Variants in SAP130 observed in about 807,000 individuals in gnomAD.
SAP130 encodes Sin3A associated protein 130.
A neutral mutation model predicts 103.2 loss-of-function variants in SAP130; 16 were observed. The ratio of observed to expected loss-of-function variants is 0.16; its 90% confidence interval spans 0.10 to 0.24. The LOEUF is 0.24. SAP130 is among the 10% of genes least tolerant of loss of function. The pLI is 1.00. For synonymous variants in SAP130, 477 were observed against 497.0 expected (o/e 0.96, Z 0.53); for missense variants, 990 against 1,359.7 (o/e 0.73, Z 4.28).
Position 128,000,523 on chromosome 2 carries a change from G to T in SAP130, c.870-69C>A, listed in dbSNP as rs890203965. ...TACAATCTTCTCCTAGGTTAGTCAT[G>T]CAAGTTATACTTTTTCATAGGTCTA... On this transcript the variant is annotated intron_variant, in intron 7 of 20. Transcript: ENST00000643581. 6 of 1,570,132 alleles carry T rather than the reference G, an allele frequency of 3.8e-6. No homozygotes were observed. The Admixed American group carries it at 8.6e-5, about 23-fold the overall frequency.
At chr2:127,967,273 A>G (rs920295274) in intron 15 of SAP130, among the ~76,000 whole-genome samples, 1 of 152,266 alleles carries the variant, frequency 6.6e-6, no homozygotes, top group African/African-American at 2.4e-5. Flanking sequence ...TCATACCACA[A>G]TAAAGAGAAA....
At chr2:127,949,814 A>G in intron 18 of SAP130, 55 bp downstream of exon 18, 1 of 1,562,530 alleles carries the variant, frequency 6.4e-7, no homozygotes, top group Non-Finnish European at 8.7e-7. Flanking sequence ...TTCTATTTTA[A>G]TTAAGTTTAC....
intron 15 of SAP130, among the ~76,000 whole-genome samples, chr2:127,961,802 G>A (rs895803117): frequency 2.0e-5 from 3 of 151,398 alleles, no homozygotes; most frequent in Non-Finnish European, 4.4e-5. Flanking sequence ...TTGCTTCCTT[G>A]GTTCTCTACA....
rs763176037 is a variant in SAP130 at position 127,942,481 on chromosome 2, G to T, written c.2958C>A (p.Ile986=). 1 of 1,613,922 alleles carries T rather than the reference G, an allele frequency of 6.2e-7. No individual in the cohort carries two copies. ...CATCTGTTGCTGCTTTTTTCTTTGG[G>T]ATAATCCCTTCCTGCAGGTTAGTAA... The part of the protein sequence containing the change: ...ERLTNLQEGI[I]PKKKAATDDD... The change falls in exon 20 of 21, where the codon ATC becomes ATA. Residue 986 remains isoleucine (I), a synonymous_variant. Coordinates refer to ENST00000643581, the MANE Select transcript of SAP130 (RefSeq NM_001330301.2). This position sits in a 1 kb window ranked among gnomAD's most constrained non-coding sequence, Gnocchi z 4.8.
rs761324219 is a variant in SAP130, at chr2:127,989,478, C to T, written c.1780+86G>A. On this transcript the variant is annotated intron_variant, in intron 13 of 20. Transcript: ENST00000643581. This position sits in a 1 kb window ranked among gnomAD's most constrained non-coding sequence, Gnocchi z 4.6. ...GAAAAGGCCTAGAGAAATTATAAGA[C>T]GACAAAGCCAGTGGCAGAGAAAGGA... 2.1e-5 allele frequency: 26 copies of T among 1,231,970 alleles called. No individual in the cohort carries two copies. Among genetic ancestry groups the T allele is most frequent in the African/African-American group, 6.1e-5 (4 of 65,902 alleles). The allele number at this position is 1,231,970 out of a possible 1,614,324, so 76.3% of individuals were successfully genotyped here. A position where few individuals can be genotyped will look rare whatever the true frequency, so the allele number is the denominator to read the frequency against.
At chr2:127,949,031 C>T (rs1679316324) in intron 18 of SAP130, among the ~76,000 whole-genome samples, 1 of 152,170 alleles carries the variant, frequency 6.6e-6, no homozygotes, top group Non-Finnish European at 1.5e-5. Flanking sequence ...TCAGAGTACA[C>T]TTGTGAGGAA....
intron 2 of SAP130, among the ~76,000 whole-genome samples, chr2:128,020,614 T>C (rs976370641): frequency 6.6e-6 from 1 of 152,230 alleles, no homozygotes; most frequent in African/African-American, 2.4e-5. Flanking sequence ...AATGTTCTTG[T>C]ACGTGTCTTT....
At chr2:127,964,191 T>C (rs1235408513) in intron 15 of SAP130, among the ~76,000 whole-genome samples, 2 of 151,048 alleles carry the variant, frequency 1.3e-5, no homozygotes, top group African/African-American at 2.4e-5. Context: ...TGAGACCCTA[T>C]CTAAAAAATA....
rs755310848 is a variant in SAP130 at position 127,989,520 on chromosome 2, TTTC to T, written c.1780+41_1780+43del. ...GAGAAAGGATTTAAACCCAAATGTA[TTTC>T]TTTTCTCCAAACCACCTTCTATGCA... On this transcript the variant is annotated intron_variant, in intron 13 of 20. Coordinates refer to ENST00000643581, the MANE Select transcript of SAP130 (RefSeq NM_001330301.2). This position sits in a 1 kb window ranked among gnomAD's most constrained non-coding sequence, Gnocchi z 4.6. 5.0e-5 allele frequency: 77 copies of T among 1,537,042 alleles called. No individual in the cohort carries two copies. Among genetic ancestry groups the T allele is most frequent in the Non-Finnish European group, 6.4e-5 (73 of 1,132,782 alleles).
chr2:128,002,980 A>G (rs894764368), intron 7 of SAP130, among the ~76,000 whole-genome samples: 1 of 152,106 alleles, frequency 6.6e-6, no homozygotes, highest in Non-Finnish European at 1.5e-5. Context: ...TATAAAAATT[A>G]GCTGGGCATG....
In SAP130 at chr2:127,942,599, G is replaced by T; in HGVS notation, c.2902-62C>A. The T allele has an allele frequency of 1.0e-6, 1 of 976,338 alleles. No individual in the cohort carries two copies. The allele number at this position is 976,338 out of a possible 1,614,324, so 60.5% of individuals were successfully genotyped here. Reference sequence around the variant, plus strand: ...AAATATTTTTCTATGTCAACCCCAGGCAAATGAACCCACCTTCAATCACCT... The same window carrying T: ...AAATATTTTTCTATGTCAACCCCAGTCAAATGAACCCACCTTCAATCACCT... On this transcript the variant is annotated intron_variant, in intron 19 of 20. Coordinates refer to ENST00000643581, the MANE Select transcript of SAP130 (RefSeq NM_001330301.2). This position sits in a 1 kb window ranked among gnomAD's most constrained non-coding sequence, Gnocchi z 4.8.
chr2:127,978,238 G>A (rs1167396619), intron 14 of SAP130, 149 bp from the exon 15 acceptor site: 6 of 612,654 alleles, frequency 9.8e-6, no homozygotes, highest in Admixed American at 2.7e-5. Flanking sequence ...TCATTTTCTC[G>A]GATACCACAG....
chr2:127,963,804 C>T (rs1007802978), intron 15 of SAP130, among the ~76,000 whole-genome samples: 3 of 152,182 alleles, frequency 2.0e-5, no homozygotes, highest in East Asian at 3.9e-4. Context: ...CCACCATCCA[C>T]GTAAGATGTG....
At position 128,017,720 on chromosome 2, in the gene SAP130, G is replaced by A. The variant is rs781496963; in HGVS notation, c.308C>T (p.Thr103Met). 1.4e-5 allele frequency: 22 copies of A among 1,614,080 alleles called. No homozygotes were observed. The highest frequency in any genetic ancestry group is 7.6e-6 in the Non-Finnish European group (9 of 1,180,046). The change falls in exon 3 of 21, where the codon ACG (threonine) becomes ATG (methionine). Residue 103 changes from threonine to methionine, a missense_variant. By Grantham distance (81) the Thr-to-Met change is moderately conservative. Coordinates refer to ENST00000643581, the MANE Select transcript of SAP130 (RefSeq NM_001330301.2). Reference sequence around the variant, plus strand: ...CGAAAATGAAAGTGGCACTGCTGGCGTCAGGTGTGCTGGCGGGGCTGTCAC... The same window carrying A: ...CGAAAATGAAAGTGGCACTGCTGGCATCAGGTGTGCTGGCGGGGCTGTCAC... ...VAVTAPPAHL[T>M]PAVPLSFSEG... is the part of the protein sequence containing the mutation.
At chr2:127,958,273 G>A (rs1363748623) in intron 15 of SAP130, among the ~76,000 whole-genome samples, 3 of 152,214 alleles carry the variant, frequency 2.0e-5, no homozygotes, top group East Asian at 3.8e-4. Flanking sequence ...AATTAGTGGG[G>A]CGCAGTGGCG....
chr2:128,027,107 G>C, intron 1 of SAP130: 1 of 1,416,340 alleles, frequency 7.1e-7, no homozygotes, highest in Non-Finnish European at 9.3e-7. Flanking sequence ...GCCGCCGCCC[G>C]CCGCCCGCAC....
chr2:128,018,016 A>G (rs1309332043), intron 2 of SAP130, 101 bp from the exon 3 acceptor site: 1 of 921,524 alleles, frequency 1.1e-6, no homozygotes, highest in African/African-American at 1.7e-5. Context: ...CAGGATTGAC[A>G]AAGTGGCCAT....
intron 15 of SAP130, among the ~76,000 whole-genome samples, chr2:127,959,483 C>CAGT (rs1680087334): frequency 6.6e-6 from 1 of 152,260 alleles, no homozygotes; most frequent in Admixed American, 6.5e-5. Context: ...TCCCACTACT[C>CAGT]ATGTGGTATC....
chr2:127,993,722 T>C (rs1018279871), intron 11 of SAP130, among the ~76,000 whole-genome samples: 2 of 152,042 alleles, frequency 1.3e-5, no homozygotes, highest in African/African-American at 4.8e-5. Context: ...TCAGAAACAA[T>C]GGAAAGAAAA....
Sources: allele counts gnomAD v4.1 joint callset (sites outside exome capture counted in the v4.1 genomes callset), GRCh38; gene constraint gnomAD v4.1.1; non-coding constraint Gnocchi (gnomAD v3.1); transcripts MANE v1.5; gene names NCBI Gene and HGNC (gene_info 2026-07-23, HGNC 2026-07-21).